The following CEACAM21 variants were observed in gnomAD, a reference collection of about 807,000 sequenced individuals.
CEACAM21 encodes the protein cell adhesion molecule CEACAM21.
CEACAM21 carries 38 observed loss-of-function variants against 33.2 expected under a neutral mutation model. The observed-to-expected ratio is 1.14, with a 90% CI of 0.88 to 1.50. The LOEUF is 1.50. CEACAM21 is among the 40% of genes most tolerant of loss of function. The pLI is 0.00. For missense variants in CEACAM21, 385 were observed against 364.6 expected, an observed-to-expected ratio of 1.06 and a Z score of -0.46; for synonymous variants, 156 against 143.0, an observed-to-expected ratio of 1.09 and a Z score of -0.65.
At chr19:41,578,410 A>G (rs1415681500) in intron 2 of CEACAM21, among the ~76,000 whole-genome samples, 1 of 151,982 alleles carries the variant, frequency 6.6e-6, no homozygotes, top group Non-Finnish European at 1.5e-5. Flanking sequence ...GTTAATTTAC[A>G]GAGAGGATGG....
At chr19:41,572,017 TA>T (rs1205141433), upstream of CEACAM21, among the ~76,000 whole-genome samples, 3 of 152,120 alleles carry the variant, frequency 2.0e-5, no homozygotes, top group Non-Finnish European at 2.9e-5. Flanking sequence ...CTACTCTATG[TA>T]CAGGAATAAC....
intron 1 of CEACAM21, among the ~76,000 whole-genome samples, chr19:41,556,517 AAAAT>A (rs1380980874): frequency 1.3e-5 from 2 of 152,246 alleles, no homozygotes; most frequent in Non-Finnish European, 2.9e-5. Context: ...TTGAAAAAGA[AAAAT>A]AAAACCTTCC....
At chr19:41,565,918 C>T (rs1305749111) in intron 2 of CEACAM21, among the ~76,000 whole-genome samples, 2 of 127,320 alleles carry the variant, frequency 1.6e-5, no homozygotes, top group Non-Finnish European at 3.0e-5. Context: ...AAACATCATT[C>T]GAAAGCCCAG....
chr19:41,577,057 T>C, intron 1 of CEACAM21, 143 bp from the exon 2 acceptor site: 2 of 843,190 alleles, frequency 2.4e-6, no homozygotes, highest in Non-Finnish European at 3.7e-6. Context: ...ATGAGGGTCA[T>C]GCTGCTGACT....
chr19:41,583,498 A>T (rs1159707523), intron 3 of CEACAM21, among the ~76,000 whole-genome samples: 4 of 152,176 alleles, frequency 2.6e-5, no homozygotes, highest in African/African-American at 9.7e-5. Flanking sequence ...GTCCATTCTC[A>T]CACTGCTAAT....
At chr19:41,585,959 C>A in intron 6 of CEACAM21, 88 bp downstream of exon 6, 1 of 1,333,522 alleles carries the variant, frequency 7.5e-7, no homozygotes. Context: ...CCAGCACAAA[C>A]CCACCCTACC....
intron 1 of CEACAM21, among the ~76,000 whole-genome samples, chr19:41,559,854 G>A (rs1237609546): frequency 2.6e-5 from 4 of 152,214 alleles, no homozygotes; most frequent in African/African-American, 9.6e-5. Context: ...CATGCTTGTA[G>A]TCCTAGCTAC....
chr19:41,570,648 C>T (rs1428425138), intron 2 of CEACAM21, among the ~76,000 whole-genome samples: 2 of 152,166 alleles, frequency 1.3e-5, no homozygotes, highest in African/African-American at 4.8e-5. Context: ...TCAAAATCTC[C>T]AGAGTGAGGC....
At chr19:41,561,496 G>C (rs539655199) in intron 1 of CEACAM21, among the ~76,000 whole-genome samples, 1 of 152,088 alleles carries the variant, frequency 6.6e-6, no homozygotes, top group East Asian at 1.9e-4. Context: ...AGGAAGACTT[G>C]GTATTATGAA....
chr19:41,585,348 C>G (rs782757086), intron 4 of CEACAM21, 95 bp from the exon 5 acceptor site: 74 of 1,332,852 alleles, frequency 5.6e-5, no homozygotes, highest in Non-Finnish European at 7.4e-5. Flanking sequence ...CTCCATACCC[C>G]TCTTGGAAAT....
Position 41,585,926 on chromosome 19 carries a change from C to T in CEACAM21, c.*55C>T, listed in dbSNP as rs959779310. On this transcript the variant is annotated intron_variant, in intron 6 of 6. Coordinates refer to ENST00000401445, the MANE Select transcript of CEACAM21 (RefSeq NM_001098506.4). ...CACTGGGGCCCCAGCTGTGCAGGCT[C>T]AGGGCAGGGGGACTGTCAATCCCCA... 6.4e-6 allele frequency: 10 copies of T among 1,569,114 alleles called. No individual in the cohort carries two copies. The African/African-American group carries it at 9.5e-5, about 15-fold the overall frequency.
At chr19:41,558,402 CTT>C (rs2041670148) in intron 1 of CEACAM21, among the ~76,000 whole-genome samples, 1 of 152,116 alleles carries the variant, frequency 6.6e-6, no homozygotes, top group Admixed American at 6.5e-5. Context: ...AATCCTAGCA[CTT>C]TGGGAGGCCG....
At position 41,577,490 on chromosome 19, in the gene CEACAM21, T is replaced by C; in HGVS notation, c.355T>C (p.Tyr119His). 6.2e-7 allele frequency: 1 copy of C among 1,614,040 alleles called. No individual in the cohort carries two copies. Among genetic ancestry groups the C allele is most frequent in the Non-Finnish European group, 8.5e-7 (1 of 1,180,002 alleles). The change falls in exon 2 of 7, where the codon TAC (tyrosine) becomes CAC (histidine). Residue 119 changes from tyrosine to histidine, a missense_variant. Transcript: ENST00000401445. ...FQNVTLEDTG[Y>H]YNLQVTYRNS... ...GAACGTCACCCTAGAGGACACGGGA[T>C]ACTACAACCTACAAGTCACATACAG...
intron 1 of CEACAM21, chr19:41,555,364 A>T (rs1211084264): frequency 6.6e-6 from 1 of 150,910 alleles, no homozygotes. Context: ...GAGATTTAGA[A>T]ATCTTTTCAG....
At chr19:41,579,982 A>G (rs1294357264) in intron 3 of CEACAM21, among the ~76,000 whole-genome samples, 1 of 152,208 alleles carries the variant, frequency 6.6e-6, no homozygotes, top group Non-Finnish European at 1.5e-5. Context: ...AGTGCTATCA[A>G]TATCGACTGG....
upstream of CEACAM21, among the ~76,000 whole-genome samples, chr19:41,571,775 G>A (rs2042628370): frequency 6.6e-6 from 1 of 152,204 alleles, no homozygotes; most frequent in Admixed American, 6.5e-5. Context: ...TGCTGCCCCA[G>A]CCCTGGGCCT....
chr19:41,581,020 A>G (rs2043335794), intron 3 of CEACAM21, among the ~76,000 whole-genome samples: 1 of 152,218 alleles, frequency 6.6e-6, no homozygotes, highest in Non-Finnish European at 1.5e-5. Context: ...ATACCAGAAA[A>G]TGGGTGTATT....
intron 3 of CEACAM21, 45 bp downstream of exon 3, chr19:41,579,673 C>A: frequency 7.5e-7 from 1 of 1,340,286 alleles, no homozygotes; most frequent in Non-Finnish European, 1.0e-6. Flanking sequence ...TGTATATTTT[C>A]CTAGGAGGGA....
At position 41,576,249 on chromosome 19, in the gene CEACAM21, G is replaced by A. The variant is rs781938842; in HGVS notation, c.-26G>A. 1.2e-6 allele frequency: 2 copies of A among 1,613,774 alleles called. No individual in the cohort carries two copies. The highest frequency in any genetic ancestry group is 2.2e-5 in the South Asian group (2 of 91,072). ...TGGAGCCCAAGCTCCTCTCCACAGA[G>A]GAGGACAGAGCAGGCAGCAGAGACC... On this transcript the variant is annotated 5_prime_UTR_variant, in exon 1 of 7. Transcript: ENST00000401445.
Sources: allele counts gnomAD v4.1 joint callset (sites outside exome capture counted in the v4.1 genomes callset), GRCh38; gene constraint gnomAD v4.1.1; transcripts MANE v1.5; gene names NCBI Gene and HGNC (gene_info 2026-07-23, HGNC 2026-07-21).